The following VAV2 variants were observed in gnomAD, a reference collection of about 807,000 sequenced individuals.
VAV2 encodes vav guanine nucleotide exchange factor 2.
VAV2 carries 67 observed loss-of-function variants against 132.5 expected under a neutral mutation model. That is an observed-to-expected ratio of 0.51 (90% CI 0.42 to 0.62). VAV2 has a LOEUF of 0.62. VAV2 is among the 20% of genes least tolerant of loss of function. VAV2 has a pLI of 0.00. For missense variants in VAV2, 938 were observed against 1,153.6 expected, an observed-to-expected ratio of 0.81 and a Z score of 2.71; for synonymous variants, 492 against 443.5, an observed-to-expected ratio of 1.11 and a Z score of -1.37.
chr9:133,801,865 G>A (rs945325123), intron 9 of VAV2, among the ~76,000 whole-genome samples: 5 of 152,184 alleles, frequency 3.3e-5, no homozygotes, highest in Non-Finnish European at 7.4e-5. Flanking sequence ...ACGTAGGAAG[G>A]ATCCCCCTGA....
chr9:133,921,515 G>T (rs181527487), intron 2 of VAV2, among the ~76,000 whole-genome samples: 1 of 152,162 alleles, frequency 6.6e-6, no homozygotes, highest in African/African-American at 2.4e-5. Context: ...TGTCTCACTC[G>T]AAGAAACCCA....
chr9:133,937,695 T>C (rs574690018), intron 2 of VAV2, among the ~76,000 whole-genome samples: 16 of 152,260 alleles, frequency 1.1e-4, no homozygotes, highest in East Asian at 3.9e-4. Flanking sequence ...TCTGTAGGAA[T>C]TGAGAAGCCA....
intron 4 of VAV2, among the ~76,000 whole-genome samples, chr9:133,828,857 C>T (rs2131761138): frequency 6.6e-6 from 1 of 152,374 alleles, no homozygotes; most frequent in East Asian, 1.9e-4. Flanking sequence ...TGCACAACTC[C>T]TCCTGCTGGG....
intron 1 of VAV2, among the ~76,000 whole-genome samples, chr9:133,947,866 T>C (rs1418551824): frequency 6.7e-6 from 1 of 150,234 alleles, no homozygotes; most frequent in Non-Finnish European, 1.5e-5. Flanking sequence ...CTCGGCTCAC[T>C]GCAACCTTCA....
intron 4 of VAV2, among the ~76,000 whole-genome samples, chr9:133,830,259 G>T (rs367621469): frequency 7.9e-5 from 12 of 152,296 alleles, no homozygotes; most frequent in Non-Finnish European, 1.6e-4. Context: ...GAACAGGTGC[G>T]TTCTGCTCCA....
chr9:133,949,152 G>A (rs1841470972), intron 1 of VAV2, among the ~76,000 whole-genome samples: 1 of 152,006 alleles, frequency 6.6e-6, no homozygotes, highest in African/African-American at 2.4e-5. Flanking sequence ...ACCAAAACGC[G>A]ACTCACAACG....
chr9:133,778,747 G>C lies in VAV2; in HGVS notation c.1890+15C>G, dbSNP rs766981524. 1.9e-6 allele frequency: 3 copies of C among 1,611,362 alleles called. No homozygotes were observed. In the African/African-American group the frequency reaches 4.0e-5, roughly 22 times the overall value. ...GAGCCGGGGACCCTCGACCCTCCCG[G>C]GCCCCAGGACCCACCTCCCACCACG... On this transcript the variant is annotated intron_variant, in intron 22 of 29. Coordinates refer to ENST00000371850, the MANE Select transcript of VAV2 (RefSeq NM_001134398.2).
chr9:133,805,052 C>G (rs1190867734), intron 9 of VAV2, among the ~76,000 whole-genome samples: 1 of 152,160 alleles, frequency 6.6e-6, no homozygotes, highest in Non-Finnish European at 1.5e-5. Context: ...TCCCAGGCAA[C>G]GTGCCTGAGA....
Position 133,918,857 on chromosome 9 carries a change from C to A in VAV2, c.321+20246G>T, listed in dbSNP as rs946269222. 6.6e-6 allele frequency among the ~76,000 whole-genome samples: 1 copy of A among 152,050 alleles called. No individual in the cohort carries two copies. The highest frequency in any genetic ancestry group is 2.1e-4 in the South Asian group (1 of 4,822). On this transcript the variant is annotated intron_variant, in intron 2 of 29. Coordinates refer to ENST00000371850, the MANE Select transcript of VAV2 (RefSeq NM_001134398.2). The surrounding 1 kb of genome is among the most constrained non-coding windows in gnomAD (Gnocchi z 4.7). Reference sequence around the variant, plus strand: ...GTGGTGCGATCTCGGCTCACTGCAACCTCCGCCTCCTGGGTTCAAGCGATT... The same window carrying A: ...GTGGTGCGATCTCGGCTCACTGCAAACTCCGCCTCCTGGGTTCAAGCGATT...
intron 2 of VAV2, among the ~76,000 whole-genome samples, chr9:133,876,571 G>A (rs920528856): frequency 6.6e-6 from 1 of 152,252 alleles, no homozygotes; most frequent in African/African-American, 2.4e-5. Flanking sequence ...CAGGGCCAAG[G>A]AGCTGGCCTC....
intron 2 of VAV2, among the ~76,000 whole-genome samples, chr9:133,892,492 A>G (rs981186499): frequency 6.6e-6 from 1 of 152,014 alleles, no homozygotes; most frequent in Non-Finnish European, 1.5e-5. Context: ...GACAGAATTA[A>G]GTCACTTGGC....
chr9:133,781,128 T>C (rs1244471188), intron 19 of VAV2, among the ~76,000 whole-genome samples: 2 of 152,078 alleles, frequency 1.3e-5, no homozygotes, highest in Non-Finnish European at 2.9e-5. Context: ...TTGGTATGCA[T>C]GCTACCTGCC....
chr9:133,941,926 C>T (rs1421398362), intron 1 of VAV2, among the ~76,000 whole-genome samples: 1 of 152,080 alleles, frequency 6.6e-6, no homozygotes, highest in African/African-American at 2.4e-5. Flanking sequence ...TCATGAGGCC[C>T]CTGGAGTCGT....
At chr9:133,775,201 G>T (rs1833771384) in intron 24 of VAV2, 150 bp from the exon 25 acceptor site, 3 of 663,532 alleles carry the variant, frequency 4.5e-6, no homozygotes, top group Admixed American at 2.9e-5. Flanking sequence ...AACAGGCTGG[G>T]TCCCTATGAG....
chr9:133,784,444 G>A, intron 17 of VAV2, 26 bp from the exon 18 acceptor site: 1 of 1,611,964 alleles, frequency 6.2e-7, no homozygotes, highest in South Asian at 1.1e-5. Flanking sequence ...GAGAGCAGAT[G>A]CTACACCCAC....
intron 14 of VAV2, 67 bp downstream of exon 14, chr9:133,789,191 G>C: frequency 1.3e-6 from 2 of 1,560,008 alleles, no homozygotes; most frequent in Admixed American, 1.7e-5. Context: ...CTTAGGAGTG[G>C]CTCCCTGGGA....
At chr9:133,871,283 G>T in intron 2 of VAV2, among the ~76,000 whole-genome samples, 1 of 151,176 alleles carries the variant, frequency 6.6e-6, no homozygotes, top group African/African-American at 2.4e-5. Flanking sequence ...TGAGTGGGTG[G>T]GTGGATGGAT....
At chr9:133,906,045 T>C (rs1247304285) in intron 2 of VAV2, among the ~76,000 whole-genome samples, 3 of 151,748 alleles carry the variant, frequency 2.0e-5, no homozygotes, top group East Asian at 1.9e-4. Flanking sequence ...TCTCAAAATA[T>C]ACAAAAAAAG....
At chr9:133,877,697 C>T (rs1838316820) in intron 2 of VAV2, among the ~76,000 whole-genome samples, 2 of 152,162 alleles carry the variant, frequency 1.3e-5, no homozygotes, top group Non-Finnish European at 2.9e-5. Context: ...TGCACGTTCC[C>T]AGTCTGCTAA....
Sources: gnomAD v4.1 joint callset for allele counts (sites outside exome capture counted in the v4.1 genomes callset) on GRCh38, gnomAD v4.1.1 for gene constraint, Gnocchi (gnomAD v3.1) non-coding constraint, MANE v1.5 for transcripts, NCBI Gene and HGNC (gene_info 2026-07-23, HGNC 2026-07-21) for gene names.